The following COX4I1 variants were observed in gnomAD, a reference collection of about 807,000 sequenced individuals.
COX4I1 encodes the protein cytochrome c oxidase subunit 4 isoform 1, mitochondrial.
Under a neutral mutation model 21.7 loss-of-function variants are expected in COX4I1, and 18 were observed. The observed-to-expected ratio is 0.83, with a 90% CI of 0.57 to 1.23. The LOEUF is 1.23. Among genes scored for constraint, COX4I1 ranks in the 50% most tolerant of loss-of-function variants. The pLI, the probability that COX4I1 is intolerant of heterozygous loss-of-function variation, is 0.00. For missense variants in COX4I1, 238 were observed against 220.7 expected, an observed-to-expected ratio of 1.08 and a Z score of -0.50; for synonymous variants, 100 against 81.5, an observed-to-expected ratio of 1.23 and a Z score of -1.23.
At chr16:85,804,680 A>G (rs1292005254) in intron 2 of COX4I1, 3 of 356,318 alleles carry the variant, frequency 8.4e-6, no homozygotes, top group African/African-American at 2.1e-5. Context: ...TAATGTAGGA[A>G]GTGCTGCCTC....
At position 85,806,736 on chromosome 16, in the gene COX4I1, A is replaced by G. The variant is rs1373669902; in HGVS notation, c.374-2A>G. The G allele has an allele frequency of 6.2e-7, 1 of 1,614,076 alleles. No individual in the cohort carries two copies. Among genetic ancestry groups the G allele is most frequent in the Non-Finnish European group, 8.5e-7 (1 of 1,179,972 alleles). On this transcript the variant is annotated splice_acceptor_variant, in intron 4 of 4. Transcript: ENST00000253452. LOFTEE classifies it high-confidence loss of function. ...TGCCCCATAACCTGTCTCACACCGTAGTGTACGGCCCCCTCCCGCAAAGCT... is the reference window on the plus strand; with the variant it reads ...TGCCCCATAACCTGTCTCACACCGTGGTGTACGGCCCCCTCCCGCAAAGCT...
At chr16:85,802,814 T>C (rs1905875441) in intron 2 of COX4I1, among the ~76,000 whole-genome samples, 2 of 152,194 alleles carry the variant, frequency 1.3e-5, no homozygotes, top group African/African-American at 4.8e-5. Context: ...GGCCTGAAGC[T>C]CTGAAGAACC....
chr16:85,804,718 G>A lies in COX4I1; in HGVS notation c.74-219G>A, dbSNP rs936551856. 3.1e-5 allele frequency: 14 copies of A among 458,754 alleles called. No homozygotes were observed. In the South Asian group the frequency reaches 3.9e-4, roughly 13 times the overall value. 28.4% of individuals were successfully genotyped at this position (458,754 alleles called of 1,614,324 possible). On this transcript the variant is annotated intron_variant, in intron 2 of 4. Transcript: ENST00000253452. ...GGCACCTTGGCCCCAGGGTTCATTA[G>A]CAGTTGCCCCTGGTGGGTTTTTGTT...
rs1357444452 is a variant in COX4I1 at position 85,806,956 on chromosome 16, T to C, written c.*82T>C. 9 of 1,470,030 alleles carry C rather than the reference T, an allele frequency of 6.1e-6. No individual in the cohort carries two copies. Among genetic ancestry groups the C allele is most frequent in the East Asian group, 4.6e-5 (2 of 43,938 alleles). The allele number at this position is 1,470,030 out of a possible 1,614,324, so 91.1% of individuals were successfully genotyped here. A position where few individuals can be genotyped will look rare whatever the true frequency, so the allele number is the denominator to read the frequency against. On this transcript the variant is annotated 3_prime_UTR_variant, in exon 5 of 5. Transcript: ENST00000253452. ...ATGCCTATTTACTGGAAACCTGTTATGCCAAACAGTTGTACCACTGCTAAT... is the reference window on the plus strand; with the variant it reads ...ATGCCTATTTACTGGAAACCTGTTACGCCAAACAGTTGTACCACTGCTAAT...
chr16:85,806,536 T>C lies in COX4I1; in HGVS notation c.374-202T>C, dbSNP rs1206543149. The C allele has an allele frequency of 3.9e-6, 3 of 775,804 alleles. No homozygotes were observed. In the Admixed American group the frequency reaches 6.0e-5, roughly 16 times the overall value. The allele number at this position is 775,804 out of a possible 1,614,324, so 48.1% of individuals were successfully genotyped here. A position where few individuals can be genotyped will look rare whatever the true frequency, so the allele number is the denominator to read the frequency against. Reference sequence around the variant, plus strand: ...TTCTGCTTTTAGCTTATTTTGTTGCTAACTTTTTACAAACAAAGGGCTAAT... The same window carrying C: ...TTCTGCTTTTAGCTTATTTTGTTGCCAACTTTTTACAAACAAAGGGCTAAT... On this transcript the variant is annotated intron_variant, in intron 4 of 4. Coordinates refer to ENST00000253452, the MANE Select transcript of COX4I1 (RefSeq NM_001861.6).
chr16:85,800,407 G>C (rs1015223097), intron 1 of COX4I1, among the ~76,000 whole-genome samples: 7 of 152,224 alleles, frequency 4.6e-5, no homozygotes, highest in African/African-American at 2.4e-5. Flanking sequence ...ATTGGAAATT[G>C]ATCGGGGCTG....
chr16:85,805,656 G>A (rs902199258), intron 3 of COX4I1, 77 bp from the exon 4 acceptor site: 1 of 1,592,182 alleles, frequency 6.3e-7, no homozygotes, highest in African/African-American at 1.3e-5. Flanking sequence ...GTGGTTTTGG[G>A]GAGAAGTGGT....
intron 2 of COX4I1, chr16:85,804,715 T>G: frequency 2.2e-6 from 1 of 450,704 alleles, no homozygotes. Context: ...CCAGGGTTCA[T>G]TAGCAGTTGC....
chr16:85,801,653 G>A (rs956179592), intron 2 of COX4I1, among the ~76,000 whole-genome samples: 5 of 152,104 alleles, frequency 3.3e-5, no homozygotes, highest in African/African-American at 1.2e-4. Flanking sequence ...ACATTATAGA[G>A]GCAATGGAAA....
chr16:85,805,108 G>A lies in COX4I1; in HGVS notation c.241+4G>A. The stretch of plus-strand genomic sequence containing the variant: ...TCCATGGATGAGAAAGTCGAGTGTG[G>A]GTATTGAAGGGACCCACAGGCGCGC... On this transcript the variant is annotated splice_donor_region_variant and intron_variant, in intron 3 of 4. Transcript: ENST00000253452. 6.2e-7 allele frequency: 1 copy of A among 1,607,976 alleles called. No homozygotes were observed.
rs1905743308 is a variant in COX4I1, at chr16:85,801,359, G to GT, written c.73+85dup. ...GCTGTGTATAAAGCCCTGTGCTGGAGTTTTAAAGACCTTAATTCGGCTCTT... is the reference window on the plus strand; with the variant it reads ...GCTGTGTATAAAGCCCTGTGCTGGAGTTTTTAAAGACCTTAATTCGGCTCTT... On this transcript the variant is annotated intron_variant, in intron 2 of 4. Transcript: ENST00000253452. 8 of 1,256,928 alleles carry GT rather than the reference G, an allele frequency of 6.4e-6. No individual in the cohort carries two copies. The African/African-American group carries it at 1.2e-4, about 19-fold the overall frequency. The allele number at this position is 1,256,928 out of a possible 1,614,324, so 77.9% of individuals were successfully genotyped here. A position where few individuals can be genotyped will look rare whatever the true frequency, so the allele number is the denominator to read the frequency against.
At chr16:85,800,837 T>C (rs1905670717) in intron 1 of COX4I1, among the ~76,000 whole-genome samples, 1 of 152,228 alleles carries the variant, frequency 6.6e-6, no homozygotes, top group African/African-American at 2.4e-5. Flanking sequence ...TTGGCCAGGC[T>C]GGTCTTGAAC....
At chr16:85,800,231 C>T (rs1188121970) in intron 1 of COX4I1, among the ~76,000 whole-genome samples, 3 of 152,290 alleles carry the variant, frequency 2.0e-5, no homozygotes, top group Non-Finnish European at 4.4e-5. Context: ...GCGTTCAGCC[C>T]TGACGTCATG....
At chr16:85,801,419 G>A (rs1905750121) in intron 2 of COX4I1, 141 bp downstream of exon 2, 4 of 605,644 alleles carry the variant, frequency 6.6e-6, no homozygotes. Context: ...TGTTCTCACA[G>A]GGCTTGGTTC....
chr16:85,805,037 C>G lies in COX4I1; in HGVS notation c.174C>G (p.Ser58Arg). 6.2e-7 allele frequency: 1 copy of G among 1,614,160 alleles called. No individual in the cohort carries two copies. The highest frequency in any genetic ancestry group is 1.1e-5 in the South Asian group (1 of 91,082). Residue 58 changes from serine (S) to arginine (R), a missense_variant, in exon 3 of 5, where the codon AGC becomes AGG. By Grantham distance (110) the Ser-to-Arg change is moderately radical (BLOSUM62 -1). Coordinates refer to ENST00000253452, the MANE Select transcript of COX4I1 (RefSeq NM_001861.6). ...CCCATGTCAAGCACCTGTCTGCCAG[C>G]CAGAAGGCATTGAAGGAGAAGGAGA... ...EVAHVKHLSA[S>R]QKALKEKEKA...
At chr16:85,806,569 T>C (rs1906219982) in intron 4 of COX4I1, 169 bp from the exon 5 acceptor site, 1 of 921,718 alleles carries the variant, frequency 1.1e-6, no homozygotes, top group East Asian at 2.5e-5. Flanking sequence ...AATTTTAAAA[T>C]GTCAGTGTTG....
chr16:85,801,521 C>CT (rs1567840551), intron 2 of COX4I1, among the ~76,000 whole-genome samples: 1 of 143,644 alleles, frequency 7.0e-6, no homozygotes, highest in Admixed American at 6.9e-5. Flanking sequence ...TTCCGTTCCA[C>CT]TTTTTTAAGC....
rs1383297426 is a variant in COX4I1, at chr16:85,801,281, A to G, written c.73+3A>G. 6.2e-7 allele frequency: 1 copy of G among 1,604,268 alleles called. No individual in the cohort carries two copies. Among genetic ancestry groups the G allele is most frequent in the Admixed American group, 1.7e-5 (1 of 59,894 alleles). The stretch of plus-strand genomic sequence containing the variant: ...CTCTGTGTGTGTACGAGCTCATGGT[A>G]AGTGTGACTTTTCTTACTTTTAAAT... On this transcript the variant is annotated splice_donor_region_variant and intron_variant, in intron 2 of 4. Coordinates refer to ENST00000253452, the MANE Select transcript of COX4I1 (RefSeq NM_001861.6).
intron 1 of COX4I1, among the ~76,000 whole-genome samples, chr16:85,800,854 C>T (rs749556228): frequency 6.6e-6 from 1 of 152,164 alleles, no homozygotes; most frequent in Non-Finnish European, 1.5e-5. Context: ...GAACCCCTGA[C>T]CTCAGGTGAT....
Sources: gnomAD v4.1 joint callset for allele counts (sites outside exome capture counted in the v4.1 genomes callset) on GRCh38, gnomAD v4.1.1 for gene constraint, MANE v1.5 for transcripts, NCBI Gene and HGNC (gene_info 2026-07-23, HGNC 2026-07-21) for gene names.